The following CD3E variants were observed in gnomAD, a reference collection of about 807,000 sequenced individuals.
CD3E encodes T-cell surface glycoprotein CD3 epsilon chain.
Under a neutral mutation model 34.7 loss-of-function variants are expected in CD3E, and 16 were observed. The observed-to-expected ratio is 0.46, with a 90% confidence interval of 0.31 to 0.70. The LOEUF (loss-of-function observed/expected upper bound fraction) is 0.70, where lower values mean the gene tolerates loss of function less well. Ranked by LOEUF, CD3E falls within the 30% of genes least tolerant of loss-of-function variation. The pLI is 0.05. For missense variants in CD3E, 223 were observed against 253.9 expected (o/e 0.88, Z 0.83); for synonymous variants, 70 against 90.8 (o/e 0.77, Z 1.30).
At chr11:118,313,480 T>C (rs1339434299) in intron 6 of CD3E, 2 of 568,002 alleles carry the variant, frequency 3.5e-6, no homozygotes, top group African/African-American at 3.7e-5. Flanking sequence ...TAGTGAGTAA[T>C]AAAGCTGGGA....
chr11:118,315,393 C>A, intron 8 of CD3E, 93 bp from the exon 9 acceptor site: 2 of 1,099,042 alleles, frequency 1.8e-6, no homozygotes, highest in Non-Finnish European at 2.7e-6. Context: ...GTCCAAAGTT[C>A]TTCCCACGCA....
chr11:118,314,531 G>A lies in CD3E; in HGVS notation c.567+37G>A, dbSNP rs776280528. 1.9e-5 allele frequency: 30 copies of A among 1,595,764 alleles called. No individual in the cohort carries two copies. The Admixed American group carries it at 4.7e-4, about 25-fold the overall frequency. Reference sequence around the variant, plus strand: ...TAGAAATGGGCCAGGACGCTGGAGGGGATGTCCCTCCAGGGGGGAAGGAAA... The same window carrying A: ...TAGAAATGGGCCAGGACGCTGGAGGAGATGTCCCTCCAGGGGGGAAGGAAA... On this transcript the variant is annotated intron_variant, in intron 8 of 8. Coordinates refer to ENST00000361763, the MANE Select transcript of CD3E (RefSeq NM_000733.4).
At chr11:118,312,411 T>G (rs1565511216) in intron 5 of CD3E, 12 of 711,232 alleles carry the variant, frequency 1.7e-5, no homozygotes, top group Non-Finnish European at 2.9e-5. Context: ...CAAAAGGTTC[T>G]CTAGTTCCCT....
At chr11:118,314,534 T>G in intron 8 of CD3E, 40 bp downstream of exon 8, 1 of 1,576,766 alleles carries the variant, frequency 6.3e-7, no homozygotes. Context: ...CTGGAGGGGA[T>G]GTCCCTCCAG....
chr11:118,309,847 A>G (rs930564342), intron 4 of CD3E, among the ~76,000 whole-genome samples: 7 of 152,228 alleles, frequency 4.6e-5, no homozygotes, highest in African/African-American at 1.4e-4. Flanking sequence ...GCCAAGTGCC[A>G]TGGTTCATGC....
chr11:118,314,633 GC>G (rs951191100), intron 8 of CD3E, 139 bp downstream of exon 8: 2 of 732,142 alleles, frequency 2.7e-6, no homozygotes, highest in African/African-American at 3.5e-5. Flanking sequence ...CCCTCTATGT[GC>G]CACCTCTGCG....
chr11:118,313,726 G>T lies in CD3E; in HGVS notation c.372G>T (p.Glu124Asp). The T allele has an allele frequency of 1.2e-6, 2 of 1,614,170 alleles. No homozygotes were observed. The highest frequency in any genetic ancestry group is 1.7e-6 in the Non-Finnish European group (2 of 1,180,048). ...LRARVCENCM[E>D]MDVMSVATIV... ...CCACAGTGTGTGAGAACTGCATGGA[G>T]ATGGATGTGATGTCGGTGGCCACAA... Residue 124 changes from glutamate to aspartate, a missense_variant, in exon 7 of 9, where the codon GAG becomes GAT. Coordinates refer to ENST00000361763, the MANE Select transcript of CD3E (RefSeq NM_000733.4).
rs1460685897 is a variant in CD3E, at chr11:118,312,916, T to C, written c.352+50T>C. Reference sequence around the variant, plus strand: ...ACCACCGGCTCTTTAGGGAGGACCATTCAAAAGGGCATTCTCAGTGATTTT... The same window carrying C: ...ACCACCGGCTCTTTAGGGAGGACCACTCAAAAGGGCATTCTCAGTGATTTT... On this transcript the variant is annotated intron_variant, in intron 6 of 8. Coordinates refer to ENST00000361763, the MANE Select transcript of CD3E (RefSeq NM_000733.4). 4.4e-6 allele frequency: 7 copies of C among 1,609,038 alleles called. No individual in the cohort carries two copies. The Admixed American group carries it at 6.7e-5, about 15-fold the overall frequency.
intron 4 of CD3E, among the ~76,000 whole-genome samples, chr11:118,309,850 G>T (rs540298594): frequency 1.3e-5 from 2 of 152,184 alleles, no homozygotes; most frequent in Non-Finnish European, 2.9e-5. Context: ...AAGTGCCATG[G>T]TTCATGCCTA....
At chr11:118,309,467 T>G (rs939165705) in intron 4 of CD3E, among the ~76,000 whole-genome samples, 2 of 152,134 alleles carry the variant, frequency 1.3e-5, no homozygotes, top group African/African-American at 2.4e-5. Flanking sequence ...TCTCAGCTAC[T>G]CAGGAGGCTG....
intron 6 of CD3E, chr11:118,313,126 T>A: frequency 1.9e-6 from 1 of 515,836 alleles, no homozygotes; most frequent in East Asian, 3.6e-5. Flanking sequence ...CAGGACTGGG[T>A]CATTTGCACC....
intron 5 of CD3E, 87 bp downstream of exon 5, chr11:118,312,257 C>A (rs1948139637): frequency 8.7e-7 from 1 of 1,146,610 alleles, no homozygotes; most frequent in East Asian, 2.3e-5. Flanking sequence ...AGAGATTAAC[C>A]CCAAGAACTG....
chr11:118,312,288 T>C (rs1327572072), intron 5 of CD3E, 118 bp downstream of exon 5: 3 of 965,062 alleles, frequency 3.1e-6, no homozygotes, highest in Non-Finnish European at 5.1e-6. Context: ...AGCATTGCAT[T>C]CTCAACTCCA....
chr11:118,315,391 T>G (rs1948160438), intron 8 of CD3E, 95 bp from the exon 9 acceptor site: 1 of 1,079,210 alleles, frequency 9.3e-7, no homozygotes, highest in East Asian at 2.5e-5. Flanking sequence ...AAGTCCAAAG[T>G]TCTTCCCACG....
At chr11:118,314,960 TACACACACACACACACACACAC>T (rs58102034) in intron 8 of CD3E, among the ~76,000 whole-genome samples, 27 of 143,750 alleles carry the variant, frequency 1.9e-4, no homozygotes, top group African/African-American at 5.8e-4. Context: ...CACACACACA[TACACACACACACACACACACAC>T]ACACACACAC....
chr11:118,304,886 T>A lies in CD3E; in HGVS notation c.-59-8T>A. On this transcript the variant is annotated splice_polypyrimidine_tract_variant and splice_region_variant and intron_variant, in intron 1 of 8. Coordinates refer to ENST00000361763, the MANE Select transcript of CD3E (RefSeq NM_000733.4). Reference sequence around the variant, plus strand: ...TTGAAAAAGTCATCTGTTTTGCTTTTTTTCCAGAAGTAGTAAGTCTGCTGG... The same window carrying A: ...TTGAAAAAGTCATCTGTTTTGCTTTATTTCCAGAAGTAGTAAGTCTGCTGG... 6.7e-7 allele frequency: 1 copy of A among 1,490,564 alleles called. No individual in the cohort carries two copies. The highest frequency in any genetic ancestry group is 9.4e-7 in the Non-Finnish European group (1 of 1,067,234). The allele number at this position is 1,490,564 out of a possible 1,614,324, so 92.3% of individuals were successfully genotyped here. A position where few individuals can be genotyped will look rare whatever the true frequency, so the allele number is the denominator to read the frequency against.
intron 2 of CD3E, among the ~76,000 whole-genome samples, chr11:118,306,785 C>T (rs1948109213): frequency 6.6e-6 from 1 of 152,098 alleles, no homozygotes; most frequent in African/African-American, 2.4e-5. Flanking sequence ...TGCACAGGCC[C>T]TAGTTGATGA....
chr11:118,314,508 G>T lies in CD3E; in HGVS notation c.567+14G>T. ...CCAGACTATGAGGTAACGTGGGATA[G>T]AAATGGGCCAGGACGCTGGAGGGGA... On this transcript the variant is annotated intron_variant, in intron 8 of 8. Transcript: ENST00000361763. 6.2e-7 allele frequency: 1 copy of T among 1,613,218 alleles called. No homozygotes were observed.
chr11:118,308,958 C>T (rs919974745), intron 4 of CD3E, among the ~76,000 whole-genome samples: 3 of 152,060 alleles, frequency 2.0e-5, no homozygotes, highest in African/African-American at 7.2e-5. Flanking sequence ...TACTGAGTGT[C>T]GTTGGGAAAG....
Sources: gnomAD v4.1 joint callset for allele counts (sites outside exome capture counted in the v4.1 genomes callset) on GRCh38, gnomAD v4.1.1 for gene constraint, MANE v1.5 for transcripts, NCBI Gene and HGNC (gene_info 2026-07-23, HGNC 2026-07-21) for gene names.